Variants in TUBA4B observed in about 807,000 individuals in gnomAD.
TUBA4B encodes the protein tubulin-like protein alpha-4B.
A neutral mutation model predicts 18.4 loss-of-function variants in TUBA4B; 13 were observed. The observed-to-expected ratio is 0.71, with a 90% CI of 0.46 to 1.12. The LOEUF is 1.12. Among genes scored for constraint, TUBA4B ranks in the 50% most tolerant of loss-of-function variants. The pLI, the probability that TUBA4B is intolerant of heterozygous loss-of-function variation, is 0.00. For missense variants in TUBA4B, 244 were observed against 250.0 expected, an observed-to-expected ratio of 0.98 and a Z score of 0.16; for synonymous variants, 101 against 99.1, an observed-to-expected ratio of 1.02 and a Z score of -0.11.
chr2:219,271,432 C>G lies in TUBA4B; in HGVS notation c.459C>G (p.His153Gln), dbSNP rs769030081. Residue 153 changes from histidine (H) to glutamine (Q), a missense_variant, in exon 4 of 4, where the codon CAC becomes CAG. Coordinates refer to ENST00000490341, the MANE Select transcript of TUBA4B (RefSeq NM_001355221.1). ...ACAAAGCAATCTATGACATCTGCCACTGCAACCTAGACATCGAGCGCCCAA... is the reference window on the plus strand; with the variant it reads ...ACAAAGCAATCTATGACATCTGCCAGTGCAACCTAGACATCGAGCGCCCAA... ...VDNKAIYDICHCNLDIERPTY... is the reference protein window; with the variant it reads ...VDNKAIYDICQCNLDIERPTY... The G allele has an allele frequency of 3.7e-6, 6 of 1,614,190 alleles. No individual in the cohort carries two copies. In the South Asian group the frequency reaches 6.6e-5, roughly 18 times the overall value.
rs118090234 is a variant in TUBA4B, at chr2:219,271,996, C to A, written c.*297C>A. The A allele has an allele frequency of 5.8e-4, 880 of 1,522,034 alleles. 18 individuals are homozygous for A. In the East Asian group the frequency reaches 0.017, roughly 30 times the overall value. 94.3% of individuals were successfully genotyped at this position (1,522,034 alleles called of 1,614,324 possible). On this transcript the variant is annotated 3_prime_UTR_variant, in exon 4 of 4. Coordinates refer to ENST00000490341, the MANE Select transcript of TUBA4B (RefSeq NM_001355221.1). The stretch of plus-strand genomic sequence containing the variant: ...TTTGACCTGATGTATGCCAAGAGGG[C>A]GTTTGGGCACTGATATGTGGGTGAG...
chr2:219,269,328 T>A (rs1951810812), intron 2 of TUBA4B, among the ~76,000 whole-genome samples: 1 of 152,194 alleles, frequency 6.6e-6, no homozygotes, highest in African/African-American at 2.4e-5. Context: ...CACTTCTAGA[T>A]TCATTCGATT....
intron 1 of TUBA4B, among the ~76,000 whole-genome samples, chr2:219,260,506 T>A (rs773069415): frequency 1.8e-4 from 28 of 152,164 alleles, no homozygotes; most frequent in Admixed American, 1.2e-3. Flanking sequence ...AACTTCAGAT[T>A]CATATGACTA....
chr2:219,254,468 C>T (rs927548642), intron 1 of TUBA4B: 1 of 152,344 alleles, frequency 6.6e-6, no homozygotes, highest in African/African-American at 2.4e-5. Context: ...GGCCGAGGAC[C>T]CAGAACTGCA....
At position 219,271,517 on chromosome 2, in the gene TUBA4B, C is replaced by T. The variant is rs3731891; in HGVS notation, c.544C>T (p.Arg182Cys). Residue 182 changes from arginine to cysteine, a missense_variant, in exon 4 of 4, where the codon CGC becomes TGC. Transcript: ENST00000490341. ...TGTCTCCTCCATCACAGCTTCTCTG[C>T]GCTTTGACGGGGCCCTCAATGTGGA... ...QIVSSITASLRFDGALNVDLT... is the reference protein window; with the variant it reads ...QIVSSITASLCFDGALNVDLT... 0.019 allele frequency: 30,847 copies of T among 1,614,144 alleles called. 860 individuals carry two copies. Among genetic ancestry groups the T allele is most frequent in the East Asian group, 0.11 (4,764 of 44,878 alleles).
At chr2:219,262,685 A>AT (rs993144498) in intron 1 of TUBA4B, among the ~76,000 whole-genome samples, 105 of 148,746 alleles carry the variant, frequency 7.1e-4, no homozygotes, top group African/African-American at 1.1e-3. Context: ...TTAAAAAAAA[A>AT]TTTTTTTTTT....
Position 219,272,184 on chromosome 2 carries a change from G to A in TUBA4B, c.*485G>A. On this transcript the variant is annotated 3_prime_UTR_variant, in exon 4 of 4. Coordinates refer to ENST00000490341, the MANE Select transcript of TUBA4B (RefSeq NM_001355221.1). The stretch of plus-strand genomic sequence containing the variant: ...TGTCTGTCCTACATAAAGTGCTGTG[G>A]CCTTATTGTCTCACGAATGTCTTTT... The A allele has an allele frequency of 1.9e-6, 1 of 519,422 alleles. No homozygotes were observed. Among genetic ancestry groups the A allele is most frequent in the Admixed American group, 3.1e-5 (1 of 32,786 alleles). The allele number at this position is 519,422 out of a possible 1,614,324, so 32.2% of individuals were successfully genotyped here.
intron 1 of TUBA4B, among the ~76,000 whole-genome samples, chr2:219,255,524 C>T (rs1039683996): frequency 6.6e-6 from 1 of 152,144 alleles, no homozygotes; most frequent in Non-Finnish European, 1.5e-5. Flanking sequence ...TGAGCCCCCA[C>T]ACCCGGCCTT....
intron 1 of TUBA4B, among the ~76,000 whole-genome samples, chr2:219,254,902 T>C (rs1021588354): frequency 6.6e-6 from 1 of 152,216 alleles, no homozygotes; most frequent in Non-Finnish European, 1.5e-5. Flanking sequence ...TCTTGGTCTC[T>C]TCTGTCTCTA....
chr2:219,271,384 A>C lies in TUBA4B; in HGVS notation c.411A>C (p.Ser137=). The stretch of plus-strand genomic sequence containing the variant: ...CCACCCACACCACCCTGGAGCACTC[A>C]GACTGTGCCTTCATGGTGGACAACA... The part of the protein sequence containing the change: ...ILTTHTTLEH[S]DCAFMVDNKA... Residue 137 remains serine, a synonymous_variant, in exon 4 of 4, where the codon TCA becomes TCC. Coordinates refer to ENST00000490341, the MANE Select transcript of TUBA4B (RefSeq NM_001355221.1). 1 of 1,614,196 alleles carries C rather than the reference A, an allele frequency of 6.2e-7. No individual in the cohort carries two copies.
At chr2:219,270,474 C>G in intron 3 of TUBA4B, 139 bp downstream of exon 3, 1 of 618,758 alleles carries the variant, frequency 1.6e-6, no homozygotes, top group Non-Finnish European at 2.9e-6. Context: ...AGGAGAGGCC[C>G]TGCACTCTGA....
intron 2 of TUBA4B, among the ~76,000 whole-genome samples, chr2:219,268,314 C>T (rs184110325): frequency 2.6e-5 from 4 of 151,950 alleles, no homozygotes; most frequent in Admixed American, 6.6e-5. Flanking sequence ...AGGATGGTCT[C>T]GAGCTCCTGA....
intron 2 of TUBA4B, among the ~76,000 whole-genome samples, chr2:219,267,266 T>C (rs1268240969): frequency 2.6e-5 from 4 of 152,222 alleles, no homozygotes; most frequent in Non-Finnish European, 5.9e-5. Flanking sequence ...TTGAGCAAGC[T>C]ACTTGACTTC....
chr2:219,259,724 G>A (rs1233574290), intron 1 of TUBA4B, among the ~76,000 whole-genome samples: 1 of 152,112 alleles, frequency 6.6e-6, no homozygotes, highest in African/African-American at 2.4e-5. Flanking sequence ...AGGGCAGCAA[G>A]GTACTCAAAG....
At chr2:219,270,031 A>C (rs1951815903) in intron 2 of TUBA4B, among the ~76,000 whole-genome samples, 171 bp from the exon 3 acceptor site, 1 of 152,132 alleles carries the variant, frequency 6.6e-6, no homozygotes, top group African/African-American at 2.4e-5. Context: ...CCTTATTGAA[A>C]AACACATCCA....
intron 1 of TUBA4B, among the ~76,000 whole-genome samples, chr2:219,261,261 A>G (rs1574891488): frequency 6.6e-6 from 1 of 152,202 alleles, no homozygotes; most frequent in Non-Finnish European, 1.5e-5. Context: ...AACACAAGAT[A>G]CAGCAGCTCT....
chr2:219,259,159 TAAA>T (rs1367565190), intron 1 of TUBA4B, among the ~76,000 whole-genome samples: 26 of 145,608 alleles, frequency 1.8e-4, no homozygotes, highest in African/African-American at 6.9e-4. Flanking sequence ...AATAAATAAA[TAAA>T]TAAATAAATT....
chr2:219,257,512 T>C (rs1951728979), intron 1 of TUBA4B, among the ~76,000 whole-genome samples: 1 of 150,922 alleles, frequency 6.6e-6, no homozygotes, highest in Non-Finnish European at 1.5e-5. Context: ...TATGGTGGTG[T>C]GCACCTGTAA....
chr2:219,257,043 CTTTT>C (rs368841707), intron 1 of TUBA4B, among the ~76,000 whole-genome samples: 3 of 107,586 alleles, frequency 2.8e-5, no homozygotes, highest in African/African-American at 1.1e-4. Context: ...CCCATTTTGG[CTTTT>C]TTTTTTTTTT....
Sources: gnomAD v4.1 joint callset for allele counts (sites outside exome capture counted in the v4.1 genomes callset) on GRCh38, gnomAD v4.1.1 for gene constraint, MANE v1.5 for transcripts, NCBI Gene and HGNC (gene_info 2026-07-23, HGNC 2026-07-21) for gene names.